Variants in MAP3K5 observed in about 807,000 individuals in gnomAD.
MAP3K5 encodes mitogen-activated protein kinase kinase kinase 5.
Under a neutral mutation model 158.7 loss-of-function variants are expected in MAP3K5, and 56 were observed. The observed-to-expected ratio is 0.35, with a 90% confidence interval of 0.28 to 0.44. The LOEUF is 0.44. Among genes scored for constraint, MAP3K5 ranks in the 20% least tolerant of loss-of-function variants. The pLI is 1.00. For missense variants in MAP3K5, 1,294 were observed against 1,674.8 expected, an observed-to-expected ratio of 0.77 and a Z score of 3.97; for synonymous variants, 579 against 601.7, an observed-to-expected ratio of 0.96 and a Z score of 0.55.
intron 25 of MAP3K5, among the ~76,000 whole-genome samples, chr6:136,575,950 C>A (rs1774598606): frequency 6.6e-6 from 1 of 152,170 alleles, no homozygotes; most frequent in South Asian, 2.1e-4. Context: ...TCTCCTCATT[C>A]TTTTGCCTAC....
intron 21 of MAP3K5, chr6:136,593,828 G>T: frequency 2.9e-6 from 1 of 348,378 alleles, no homozygotes; most frequent in Non-Finnish European, 5.6e-6. Flanking sequence ...TTATAGAAAA[G>T]GAAATCCACT....
In MAP3K5 at chr6:136,643,817, G is replaced by A. The variant is rs560216728; in HGVS notation, c.1789-1248C>T. 2.3e-4 allele frequency among the ~76,000 whole-genome samples: 35 copies of A among 152,308 alleles called. No homozygotes were observed. In the South Asian group the frequency reaches 7.2e-3, roughly 32 times the overall value. The stretch of plus-strand genomic sequence containing the variant: ...CTGTCTTAACCAGAGTACAGAGGGA[G>A]TGAAATTAAAATAGCAGACTGCAGC... On this transcript the variant is annotated intron_variant, in intron 11 of 29. Coordinates refer to ENST00000359015, the MANE Select transcript of MAP3K5 (RefSeq NM_005923.4).
chr6:136,622,340 TC>T (rs1261167560), intron 15 of MAP3K5, among the ~76,000 whole-genome samples: 2 of 152,156 alleles, frequency 1.3e-5, no homozygotes, highest in Non-Finnish European at 2.9e-5. Context: ...GGTGAGCAGA[TC>T]ATGGATTTCT....
chr6:136,759,483 A>ATATATATATATATATATATAG (rs1562681271), intron 1 of MAP3K5, among the ~76,000 whole-genome samples: 1 of 56,174 alleles, frequency 1.8e-5, no homozygotes, highest in Non-Finnish European at 4.2e-5. Flanking sequence ...TATATATATA[A>ATATATATATATATATATATAG]AGTTTGAGAC....
At chr6:136,678,644 T>C (rs1303377611) in intron 7 of MAP3K5, among the ~76,000 whole-genome samples, 1 of 152,150 alleles carries the variant, frequency 6.6e-6, no homozygotes, top group Non-Finnish European at 1.5e-5. Context: ...TGGCTATCTT[T>C]GAGTAACCAT....
intron 1 of MAP3K5, among the ~76,000 whole-genome samples, chr6:136,775,737 A>C (rs1784380204): frequency 6.6e-6 from 1 of 152,218 alleles, no homozygotes; most frequent in Non-Finnish European, 1.5e-5. Context: ...GTGGCCTGGG[A>C]AAACTAAGGC....
At chr6:136,737,033 G>GTATATATATATATATA (rs796790486) in intron 1 of MAP3K5, among the ~76,000 whole-genome samples, 4,077 of 111,354 alleles carry the variant, frequency 0.037, 141 homozygotes, top group Non-Finnish European at 0.048. Flanking sequence ...ATATATATGT[G>GTATATATATATATATA]TGTGTATATA....
chr6:136,617,036 A>G (rs1776596514), intron 15 of MAP3K5, among the ~76,000 whole-genome samples: 1 of 152,134 alleles, frequency 6.6e-6, no homozygotes, highest in African/African-American at 2.4e-5. Context: ...ATTATTAATC[A>G]AAAGACTCCC....
rs113829714 is a variant in MAP3K5 at position 136,648,918 on chromosome 6, T to C, written c.1788+2066A>G. Among the ~76,000 whole-genome samples, 1,021 of 152,336 alleles carry C rather than the reference T, an allele frequency of 6.7e-3. 17 individuals carry two copies. The highest frequency in any genetic ancestry group is 0.022 in the African/African-American group (895 of 41,566). ...ACGTGAGGTCTGAAAGTCTACCTCA[T>C]AGAATTGTCCTCAGTAGGTCTGACA... On this transcript the variant is annotated intron_variant, in intron 11 of 29. Coordinates refer to ENST00000359015, the MANE Select transcript of MAP3K5 (RefSeq NM_005923.4).
In MAP3K5 at chr6:136,770,280, G is replaced by A. The variant is rs528011220; in HGVS notation, c.448+21430C>T. On this transcript the variant is annotated intron_variant, in intron 1 of 29. Transcript: ENST00000359015. ...ATTACAGTATAATACAATACATACA[G>A]AACAGTGCACTGTTTATAATAGCAA... Among the ~76,000 whole-genome samples the A allele has an allele frequency of 3.2e-4, 49 of 152,194 alleles. No individual in the cohort carries two copies. The South Asian group carries it at 4.8e-3, about 15-fold the overall frequency.
At chr6:136,676,799 T>C (rs1393664321) in intron 7 of MAP3K5, among the ~76,000 whole-genome samples, 2 of 149,620 alleles carry the variant, frequency 1.3e-5, no homozygotes, top group African/African-American at 2.5e-5. Context: ...TTTTCTTTTT[T>C]TTTTTTTTTT....
intron 25 of MAP3K5, among the ~76,000 whole-genome samples, chr6:136,574,331 C>A (rs1347965569): frequency 1.3e-5 from 2 of 152,218 alleles, no homozygotes; most frequent in Non-Finnish European, 2.9e-5. Flanking sequence ...CTCGTACGTA[C>A]ACAATGCTGT....
chr6:136,656,553 C>T (rs1778756475), intron 9 of MAP3K5, 93 bp from the exon 10 acceptor site: 3 of 761,178 alleles, frequency 3.9e-6, no homozygotes, highest in African/African-American at 1.8e-5. Flanking sequence ...GTAATTTATA[C>T]ATGACATTAA....
Position 136,624,125 on chromosome 6 carries a change from C to T in MAP3K5, c.2017-1144G>A, listed in dbSNP as rs549374546. Among the ~76,000 whole-genome samples, 98 of 152,050 alleles carry T rather than the reference C, an allele frequency of 6.4e-4. 1 individual carries two copies. The highest frequency in any genetic ancestry group is 9.4e-4 in the Non-Finnish European group (64 of 67,992). On this transcript the variant is annotated intron_variant, in intron 14 of 29. Transcript: ENST00000359015. ...AGGAGAATTGGTTGAACCTGGGAGA[C>T]GGAGGTTGCAGTGAGCTGAGATGGC...
chr6:136,705,163 A>G (rs768370248), intron 2 of MAP3K5, 30 bp from the exon 3 acceptor site: 2 of 1,052,628 alleles, frequency 1.9e-6, no homozygotes, highest in East Asian at 5.4e-5. Flanking sequence ...ATATACCACA[A>G]GTTAATACAA....
At chr6:136,637,139 G>T in intron 14 of MAP3K5, 186 bp downstream of exon 14, 1 of 1,401,056 alleles carries the variant, frequency 7.1e-7, no homozygotes, top group Non-Finnish European at 9.4e-7. Flanking sequence ...TGTGGAATAA[G>T]AATTCTCCAA....
chr6:136,738,320 C>T (rs1409562568), intron 1 of MAP3K5, among the ~76,000 whole-genome samples: 1 of 152,152 alleles, frequency 6.6e-6, no homozygotes, highest in Non-Finnish European at 1.5e-5. Context: ...CCTGGCAAAG[C>T]TCTCTCTACT....
intron 12 of MAP3K5, among the ~76,000 whole-genome samples, chr6:136,639,971 C>T (rs1583321236): frequency 6.6e-6 from 1 of 152,060 alleles, no homozygotes; most frequent in Non-Finnish European, 1.5e-5. Context: ...GCATAAATAC[C>T]AACTGGCTGG....
intron 14 of MAP3K5, among the ~76,000 whole-genome samples, chr6:136,628,983 T>G (rs1197379725): frequency 6.6e-6 from 1 of 152,256 alleles, no homozygotes; most frequent in African/African-American, 2.4e-5. Context: ...TAACATTACA[T>G]TGCTTATATA....
Sources: allele counts gnomAD v4.1 joint callset (sites outside exome capture counted in the v4.1 genomes callset), GRCh38; gene constraint gnomAD v4.1.1; transcripts MANE v1.5; gene names NCBI Gene and HGNC (gene_info 2026-07-23, HGNC 2026-07-21).